The following TAFA1 variants were observed in gnomAD, a reference collection of about 807,000 sequenced individuals.
TAFA1 encodes the protein chemokine-like protein TAFA-1.
TAFA1 carries 4 observed loss-of-function variants against 18.5 expected under a neutral mutation model. That is an observed-to-expected ratio of 0.22 (90% CI 0.11 to 0.49). The LOEUF (loss-of-function observed/expected upper bound fraction) is 0.49. Ranked by LOEUF, TAFA1 falls within the 20% of genes least tolerant of loss-of-function variation. TAFA1 has a pLI of 0.98. For synonymous variants in TAFA1, 56 were observed against 55.2 expected, an observed-to-expected ratio of 1.01 and a Z score of -0.06; for missense variants, 147 against 169.0, an observed-to-expected ratio of 0.87 and a Z score of 0.72.
intron 3 of TAFA1, among the ~76,000 whole-genome samples, chr3:68,435,247 A>G (rs1409071855): frequency 2.0e-5 from 3 of 152,122 alleles, no homozygotes; most frequent in African/African-American, 7.2e-5. Context: ...ATCAACAAGA[A>G]GGATCCTAAT....
chr3:68,296,865 C>G (rs1242965154), intron 2 of TAFA1, among the ~76,000 whole-genome samples: 1 of 152,094 alleles, frequency 6.6e-6, no homozygotes, highest in Non-Finnish European at 1.5e-5. Flanking sequence ...GAAAAATTAA[C>G]AGTAGTAAAT....
intron 2 of TAFA1, among the ~76,000 whole-genome samples, chr3:68,026,472 T>A (rs1704819549): frequency 6.6e-6 from 1 of 152,150 alleles, no homozygotes; most frequent in African/African-American, 2.4e-5. Context: ...TTTCTTCTGA[T>A]GTAATAATAA....
chr3:68,366,534 G>C, intron 2 of TAFA1, among the ~76,000 whole-genome samples: 1 of 152,176 alleles, frequency 6.6e-6, no homozygotes, highest in Non-Finnish European at 1.5e-5. Context: ...ACTTCGCTGG[G>C]TGGAAATGTA....
At chr3:68,019,029 G>T (rs114784534) in intron 2 of TAFA1, among the ~76,000 whole-genome samples, 1,582 of 152,262 alleles carry the variant, frequency 0.01, 28 homozygotes, top group African/African-American at 0.035. Context: ...GAAAACTTAG[G>T]TTGTGTAACA....
upstream of TAFA1, among the ~76,000 whole-genome samples, chr3:67,999,275 C>G (rs112956822): frequency 7.1e-4 from 1 of 1,402 alleles, no homozygotes; most frequent in Admixed American, 7.1e-3. Context: ...TATCCCCCCC[C>G]CCCCCCTCTC....
intron 2 of TAFA1, among the ~76,000 whole-genome samples, chr3:68,162,290 G>T (rs2065933765): frequency 6.6e-6 from 1 of 152,116 alleles, no homozygotes; most frequent in Non-Finnish European, 1.5e-5. Context: ...AGATGGGGTT[G>T]GGGGATGGTT....
intron 2 of TAFA1, among the ~76,000 whole-genome samples, chr3:68,395,215 A>C (rs1409983923): frequency 1.3e-5 from 2 of 152,350 alleles, no homozygotes; most frequent in South Asian, 2.1e-4. Flanking sequence ...TGGTCGTTAG[A>C]GAATTGCATA....
chr3:68,148,242 AC>A (rs1178606469), intron 2 of TAFA1, among the ~76,000 whole-genome samples: 1 of 152,180 alleles, frequency 6.6e-6, no homozygotes, highest in East Asian at 1.9e-4. Flanking sequence ...AATTTGTCCT[AC>A]CTCTGGTAAA....
intron 3 of TAFA1, among the ~76,000 whole-genome samples, chr3:68,471,372 G>T (rs1408034298): frequency 6.6e-6 from 1 of 152,076 alleles, no homozygotes; most frequent in African/African-American, 2.4e-5. Flanking sequence ...ACCCCAAAAT[G>T]GTAGATCCAC....
At chr3:68,423,837 T>C (rs1381708487) in intron 3 of TAFA1, among the ~76,000 whole-genome samples, 1 of 152,010 alleles carries the variant, frequency 6.6e-6, no homozygotes, top group African/African-American at 2.4e-5. Context: ...TAATCCCTTG[T>C]GGATTTTAGC....
At chr3:68,377,128 A>T (rs879055371) in intron 2 of TAFA1, among the ~76,000 whole-genome samples, 1 of 152,202 alleles carries the variant, frequency 6.6e-6, no homozygotes, top group Non-Finnish European at 1.5e-5. Flanking sequence ...GTGAAAACAG[A>T]CTAATACAGT....
chr3:68,440,628 C>T (rs1559671303), intron 3 of TAFA1, among the ~76,000 whole-genome samples: 2 of 152,130 alleles, frequency 1.3e-5, no homozygotes, highest in Non-Finnish European at 2.9e-5. Context: ...ATGAATTTTT[C>T]CTGGTAGAGT....
At chr3:68,058,223 C>A (rs7429303) in intron 2 of TAFA1, among the ~76,000 whole-genome samples, 77,810 of 151,956 alleles carry the variant, frequency 0.51, 20,267 homozygotes, top group South Asian at 0.64. Context: ...TATGCAACAA[C>A]TTTAAGGCTT....
At position 68,376,557 on chromosome 3, in the gene TAFA1, C is replaced by A. The variant is rs143492094; in HGVS notation, c.119-40723C>A. Among the ~76,000 whole-genome samples, 13 of 152,272 alleles carry A rather than the reference C, an allele frequency of 8.5e-5. No individual in the cohort carries two copies. In the East Asian group the frequency reaches 2.5e-3, roughly 29 times the overall value. ...TTGCTAAGAATAATGGCCTCCAACT[C>A]CATCCATGTCGCTACAAAGGACAGG... On this transcript the variant is annotated intron_variant, in intron 2 of 4. Transcript: ENST00000478136.
At chr3:68,265,241 T>A (rs530898525) in intron 2 of TAFA1, among the ~76,000 whole-genome samples, 1 of 152,214 alleles carries the variant, frequency 6.6e-6, no homozygotes, top group African/African-American at 2.4e-5. Flanking sequence ...CCCTCAGCCA[T>A]TAACAGGTGT....
chr3:68,121,249 A>ATGTGTG lies in TAFA1; in HGVS notation c.118+114541_118+114546dup, dbSNP rs67968765. 5.6e-3 allele frequency among the ~76,000 whole-genome samples: 832 copies of ATGTGTG among 148,046 alleles called. 4 individuals are homozygous for ATGTGTG. Among genetic ancestry groups the ATGTGTG allele is most frequent in the East Asian group, 0.012 (58 of 4,962 alleles). Reference sequence around the variant, plus strand: ...ATTTAGACTTCTCAAATGTACATTAATGTGTGTGTGTGTGTGTGTGTGTGT... The same window carrying ATGTGTG: ...ATTTAGACTTCTCAAATGTACATTAATGTGTGTGTGTGTGTGTGTGTGTGTGTGTGT... On this transcript the variant is annotated intron_variant, in intron 2 of 4. Transcript: ENST00000478136.
At chr3:68,227,993 A>G (rs1476140209) in intron 2 of TAFA1, among the ~76,000 whole-genome samples, 1 of 152,178 alleles carries the variant, frequency 6.6e-6, no homozygotes, top group African/African-American at 2.4e-5. Flanking sequence ...CCAGGGTGCA[A>G]CTTGGAGACA....
intron 3 of TAFA1, among the ~76,000 whole-genome samples, chr3:68,480,390 G>A (rs572231394): frequency 8.7e-5 from 13 of 150,044 alleles, no homozygotes; most frequent in African/African-American, 2.9e-4. Flanking sequence ...GTGACAGAGC[G>A]AGACTTGGTC....
intron 2 of TAFA1, among the ~76,000 whole-genome samples, chr3:68,153,571 T>G (rs1575648478): frequency 6.6e-6 from 1 of 152,180 alleles, no homozygotes; most frequent in East Asian, 1.9e-4. Flanking sequence ...CAGACTCGTT[T>G]TATTTTATTT....
Sources: gnomAD v4.1 joint callset for allele counts (sites outside exome capture counted in the v4.1 genomes callset) on GRCh38, gnomAD v4.1.1 for gene constraint, MANE v1.5 for transcripts, NCBI Gene and HGNC (gene_info 2026-07-23, HGNC 2026-07-21) for gene names.